FER: variants seen among roughly 807,000 people sequenced by gnomAD.
FER encodes the protein tyrosine-protein kinase Fer.
Under a neutral mutation model 111.0 loss-of-function variants are expected in FER, and 63 were observed. That is an observed-to-expected ratio of 0.57 (90% CI 0.46 to 0.70). FER has a LOEUF of 0.70. Among genes scored for constraint, FER ranks in the 30% least tolerant of loss-of-function variants. The pLI, the probability that FER is intolerant of heterozygous loss-of-function variation, is 0.00. For missense variants in FER, 914 were observed against 954.0 expected (o/e 0.96, Z 0.55); for synonymous variants, 327 against 313.9 (o/e 1.04, Z -0.44).
chr5:109,121,321 C>G lies in FER; in HGVS notation c.2048+20802C>G, dbSNP rs1028232142. Among the ~76,000 whole-genome samples, 3 of 152,214 alleles carry G rather than the reference C, an allele frequency of 2.0e-5. No individual in the cohort carries two copies. In the South Asian group the frequency reaches 6.2e-4, roughly 32 times the overall value. On this transcript the variant is annotated intron_variant, in intron 17 of 19. Coordinates refer to ENST00000281092, the MANE Select transcript of FER (RefSeq NM_005246.4). Reference sequence around the variant, plus strand: ...ATCATGAAAACATGTTGAATTTTGTCAAATGCAATTTCAACATCAATTGAA... The same window carrying G: ...ATCATGAAAACATGTTGAATTTTGTGAAATGCAATTTCAACATCAATTGAA...
intron 17 of FER, among the ~76,000 whole-genome samples, chr5:109,117,301 A>G (rs1044686450): frequency 9.2e-5 from 14 of 152,148 alleles, no homozygotes; most frequent in African/African-American, 3.1e-4. Context: ...CAGAAGAAAT[A>G]GTGACTACAG....
chr5:108,873,545 A>C (rs7723765), intron 8 of FER, among the ~76,000 whole-genome samples: 9,348 of 152,286 alleles, frequency 0.061, 367 homozygotes, highest in South Asian at 0.11. Flanking sequence ...TAATTATGGC[A>C]TACTGACTAC....
chr5:108,835,039 C>T (rs1218332128), intron 4 of FER, among the ~76,000 whole-genome samples: 6 of 152,148 alleles, frequency 3.9e-5, no homozygotes, highest in Admixed American at 3.9e-4. Context: ...GACTTTTTGA[C>T]TACAGTCAAG....
intron 8 of FER, among the ~76,000 whole-genome samples, chr5:108,883,104 C>G (rs1477198475): frequency 6.6e-6 from 1 of 151,906 alleles, no homozygotes; most frequent in Non-Finnish European, 1.5e-5. Flanking sequence ...ACCTACTTCT[C>G]TTTTTCTTTT....
At chr5:108,772,823 A>G (rs949846279) in intron 2 of FER, among the ~76,000 whole-genome samples, 2 of 152,196 alleles carry the variant, frequency 1.3e-5, no homozygotes, top group African/African-American at 4.8e-5. Flanking sequence ...CAGGAATTCT[A>G]TCTAGGAATA....
intron 2 of FER, among the ~76,000 whole-genome samples, chr5:108,771,216 G>T (rs1457545584): frequency 6.6e-6 from 1 of 152,084 alleles, no homozygotes; most frequent in Non-Finnish European, 1.5e-5. Flanking sequence ...TTACAGACTT[G>T]AGCCACCATG....
At chr5:108,827,557 C>A (rs1759596118) in intron 3 of FER, among the ~76,000 whole-genome samples, 1 of 151,750 alleles carries the variant, frequency 6.6e-6, no homozygotes, top group Non-Finnish European at 1.5e-5. Context: ...TTCCTTTTTT[C>A]TGTAATTAAG....
At chr5:109,004,009 G>T (rs1489863615) in intron 13 of FER, among the ~76,000 whole-genome samples, 1 of 151,886 alleles carries the variant, frequency 6.6e-6, no homozygotes, top group African/African-American at 2.4e-5. Context: ...CAAACCAATT[G>T]TACAATCTTT....
intron 3 of FER, among the ~76,000 whole-genome samples, chr5:108,822,164 A>G (rs1758914581): frequency 6.6e-6 from 1 of 152,180 alleles, no homozygotes; most frequent in Non-Finnish European, 1.5e-5. Flanking sequence ...CCTGTTCTCA[A>G]AAATGGCAGG....
At chr5:109,047,054 A>G in intron 15 of FER, 50 bp from the exon 16 acceptor site, 3 of 999,636 alleles carry the variant, frequency 3.0e-6, no homozygotes, top group Non-Finnish European at 4.6e-6. Flanking sequence ...TCACAAATTA[A>G]TGCTTTATTA....
chr5:108,973,967 C>G (rs560556193), intron 13 of FER, among the ~76,000 whole-genome samples: 4 of 152,214 alleles, frequency 2.6e-5, no homozygotes, highest in African/African-American at 9.6e-5. Flanking sequence ...GAAAAGACTT[C>G]TTCACTTCTA....
chr5:109,186,467 C>A, intron 19 of FER, 145 bp downstream of exon 19: 2 of 1,167,318 alleles, frequency 1.7e-6, no homozygotes, highest in Non-Finnish European at 2.4e-6. Flanking sequence ...GCAGATTTAT[C>A]TAACATCTCT....
chr5:108,883,650 T>C lies in FER; in HGVS notation c.1046+132T>C, dbSNP rs1046870288. The C allele has an allele frequency of 8.2e-6, 6 of 735,204 alleles. No individual in the cohort carries two copies. The African/African-American group carries it at 9.2e-5, about 11-fold the overall frequency. 45.5% of individuals were successfully genotyped at this position (735,204 alleles called of 1,614,324 possible). ...TTTATTTTAAGTATGAAGTTTTGTA[T>C]AGTTAATTTCTAGGATTCTGGAAAA... On this transcript the variant is annotated intron_variant, in intron 9 of 19. Transcript: ENST00000281092.
intron 13 of FER, among the ~76,000 whole-genome samples, chr5:109,006,842 A>G (rs1039411223): frequency 6.6e-6 from 1 of 152,112 alleles, no homozygotes; most frequent in African/African-American, 2.4e-5. Flanking sequence ...AAAAAATCTT[A>G]CCTGCCTCAC....
chr5:108,935,982 A>T (rs934763673), intron 10 of FER, among the ~76,000 whole-genome samples: 1 of 151,984 alleles, frequency 6.6e-6, no homozygotes, highest in Non-Finnish European at 1.5e-5. Flanking sequence ...CTTGGGAAAT[A>T]TGAGGTCTGT....
chr5:109,037,341 C>G, intron 13 of FER, 81 bp from the exon 14 acceptor site: 1 of 1,163,880 alleles, frequency 8.6e-7, no homozygotes. Flanking sequence ...CCCTTTAGGT[C>G]GACTTTCCAC....
At chr5:108,759,674 G>A (rs1401361363) in intron 1 of FER, among the ~76,000 whole-genome samples, 4 of 152,204 alleles carry the variant, frequency 2.6e-5, no homozygotes, top group East Asian at 1.9e-4. Context: ...GCAGAAAGCC[G>A]AAGGGCAAGA....
intron 16 of FER, chr5:109,051,809 A>C: frequency 6.3e-7 from 1 of 1,597,574 alleles, no homozygotes; most frequent in East Asian, 2.2e-5. Flanking sequence ...AGGGACACCA[A>C]GGACACCACC....
chr5:108,910,398 AAAC>A (rs1240413823), intron 10 of FER, among the ~76,000 whole-genome samples: 2 of 152,166 alleles, frequency 1.3e-5, no homozygotes, highest in East Asian at 3.9e-4. Flanking sequence ...CTTTCAGGTG[AAAC>A]ACCAAATTTC....
Sources: gnomAD v4.1 joint callset for allele counts (sites outside exome capture counted in the v4.1 genomes callset) on GRCh38, gnomAD v4.1.1 for gene constraint, MANE v1.5 for transcripts, NCBI Gene and HGNC (gene_info 2026-07-23, HGNC 2026-07-21) for gene names.